The following CYRIB variants were observed in gnomAD, a reference collection of about 807,000 sequenced individuals.
CYRIB encodes CYFIP-related Rac1 interactor B.
In CYRIB, 8 loss-of-function variants were observed where a neutral mutation model predicts 44.2. That is an observed-to-expected ratio of 0.18 (90% confidence interval 0.11 to 0.33). The LOEUF (loss-of-function observed/expected upper bound fraction) is 0.33. Among genes scored for constraint, CYRIB ranks in the 10% least tolerant of loss-of-function variants. The pLI, the probability that CYRIB is intolerant of heterozygous loss-of-function variation, is 1.00. For missense variants in CYRIB, 185 were observed against 382.8 expected, an observed-to-expected ratio of 0.48 and a Z score of 4.31; for synonymous variants, 131 against 127.2, an observed-to-expected ratio of 1.03 and a Z score of -0.20.
rs529821521 is a variant in CYRIB at position 129,920,698 on chromosome 8, G to A, written c.-49-17348C>T. On this transcript the variant is annotated intron_variant, in intron 1 of 11. Transcript: ENST00000519824. ...GAAACCATTAACTCATAACATCCTG[G>A]ATGTTTTACCTTCTGCTACCCTACT... is the stretch of plus-strand genomic sequence containing the variant. Among the ~76,000 whole-genome samples, 26 of 152,126 alleles carry A rather than the reference G, an allele frequency of 1.7e-4. No individual in the cohort carries two copies. The East Asian group carries it at 4.8e-3, about 28-fold the overall frequency.
At chr8:129,917,474 T>C (rs896793566) in intron 1 of CYRIB, among the ~76,000 whole-genome samples, 19 of 152,144 alleles carry the variant, frequency 1.2e-4, no homozygotes, top group Non-Finnish European at 2.6e-4. Context: ...ACATCATCCT[T>C]CCCATTAGTC....
At chr8:129,944,332 G>C (rs1174317581), upstream of CYRIB, among the ~76,000 whole-genome samples, 1 of 152,192 alleles carries the variant, frequency 6.6e-6, no homozygotes, top group Non-Finnish European at 1.5e-5. Flanking sequence ...ACCTGATGCA[G>C]AATCTGCAAG....
chr8:129,957,292 C>G (rs920559207), intron 2 of CYRIB, among the ~76,000 whole-genome samples: 1 of 152,184 alleles, frequency 6.6e-6, no homozygotes, highest in African/African-American at 2.4e-5. Context: ...CCAATGTGGA[C>G]AGACTTAGGG....
chr8:129,859,420 TCAGGCCCTCCAC>T (rs2132091500), intron 5 of CYRIB, among the ~76,000 whole-genome samples: 1 of 151,898 alleles, frequency 6.6e-6, no homozygotes. Context: ...CTGACTAATG[TCAGGCCCTCCAC>T]AGGAGGTGGA....
chr8:129,847,054 T>A, intron 10 of CYRIB, 180 bp from the exon 13 acceptor site: 1 of 488,326 alleles, frequency 2.0e-6, no homozygotes, highest in Non-Finnish European at 3.6e-6. Context: ...TCTCACTTAG[T>A]GAAAACAAAA....
intron 1 of CYRIB, among the ~76,000 whole-genome samples, chr8:129,937,409 CACCCCTCTAT>C (rs2093009558): frequency 6.6e-6 from 1 of 152,190 alleles, no homozygotes; most frequent in East Asian, 1.9e-4. Context: ...GTAAAATAAG[CACCCCTCTAT>C]ACTTCTCCAT....
intron 1 of CYRIB, among the ~76,000 whole-genome samples, chr8:129,930,365 T>TTTTATATATATATA (rs369665802): frequency 1.8e-4 from 9 of 50,414 alleles, no homozygotes; most frequent in East Asian, 1.0e-3. Context: ...TGTGAAGTGC[T>TTTTATATATATATA]TATATATATA....
intron 1 of CYRIB, among the ~76,000 whole-genome samples, chr8:130,009,898 C>T (rs1330390195): frequency 6.6e-6 from 1 of 152,186 alleles, no homozygotes; most frequent in Non-Finnish European, 1.5e-5. Context: ...ATGCAATAGG[C>T]TTTGTTGAGT....
At chr8:129,868,381 A>G (rs2055037294) in intron 4 of CYRIB, among the ~76,000 whole-genome samples, 1 of 152,156 alleles carries the variant, frequency 6.6e-6, no homozygotes, top group Admixed American at 6.5e-5. Flanking sequence ...TTACTTATCA[A>G]TGTTTAACAA....
At chr8:129,845,859 T>C (rs2039658550) in intron 11 of CYRIB, among the ~76,000 whole-genome samples, 1 of 152,236 alleles carries the variant, frequency 6.6e-6, no homozygotes, top group East Asian at 1.9e-4. Context: ...AAAAATGTTC[T>C]AGCAGCTGGG....
intron 4 of CYRIB, among the ~76,000 whole-genome samples, chr8:129,869,978 TG>T (rs1475690295): frequency 5.2e-4 from 62 of 118,576 alleles, no homozygotes; most frequent in African/African-American, 1.9e-3. Context: ...TATGGGGGGG[TG>T]GGGGGAGGGG....
chr8:129,978,975 T>C (rs1008400338), intron 1 of CYRIB, among the ~76,000 whole-genome samples: 1 of 151,898 alleles, frequency 6.6e-6, no homozygotes, highest in Non-Finnish European at 1.5e-5. Context: ...CATCTCGTAC[T>C]AAAAATACCA....
At chr8:129,896,074 T>C (rs1482968982) in intron 2 of CYRIB, among the ~76,000 whole-genome samples, 1 of 152,232 alleles carries the variant, frequency 6.6e-6, no homozygotes, top group Non-Finnish European at 1.5e-5. Context: ...GTGAGTTTTA[T>C]AGGAAAGTTC....
intron 11 of CYRIB, among the ~76,000 whole-genome samples, 155 bp from the exon 14 acceptor site, chr8:129,842,360 G>A (rs2036799649): frequency 6.6e-6 from 1 of 152,170 alleles, no homozygotes; most frequent in Non-Finnish European, 1.5e-5. Flanking sequence ...GTTCTGCACA[G>A]CCTGTCATCC....
chr8:129,956,780 C>T (rs1473586213), intron 2 of CYRIB, among the ~76,000 whole-genome samples: 2 of 151,886 alleles, frequency 1.3e-5, no homozygotes, highest in South Asian at 2.1e-4. Flanking sequence ...CTTTACTTGA[C>T]ATTTAAGCCT....
chr8:129,962,869 C>T (rs2095326222), intron 2 of CYRIB, among the ~76,000 whole-genome samples: 1 of 152,190 alleles, frequency 6.6e-6, no homozygotes, highest in African/African-American at 2.4e-5. Context: ...AAACGGTACC[C>T]GCATTTCCCT....
At chr8:129,844,913 A>G (rs1361913377) in intron 11 of CYRIB, among the ~76,000 whole-genome samples, 2 of 152,244 alleles carry the variant, frequency 1.3e-5, no homozygotes, top group Admixed American at 1.3e-4. Context: ...TGTTTGTTTA[A>G]AAGGAAAGTG....
At chr8:129,985,255 G>A (rs993106222) in intron 1 of CYRIB, among the ~76,000 whole-genome samples, 1 of 152,196 alleles carries the variant, frequency 6.6e-6, no homozygotes, top group Admixed American at 6.5e-5. Context: ...CCAGCGGATG[G>A]GATGGGCACC....
chr8:129,905,455 G>C (rs1024736892), intron 1 of CYRIB, among the ~76,000 whole-genome samples: 1 of 152,162 alleles, frequency 6.6e-6, no homozygotes, highest in Non-Finnish European at 1.5e-5. Context: ...CCGATGTCGT[G>C]ATCTGCCCAC....
Sources: gnomAD v4.1 joint callset for allele counts (sites outside exome capture counted in the v4.1 genomes callset) on GRCh38, gnomAD v4.1.1 for gene constraint, MANE v1.5 for transcripts, NCBI Gene and HGNC (gene_info 2026-07-23, HGNC 2026-07-21) for gene names.